IGF1: variants seen among roughly 807,000 people sequenced by gnomAD.
IGF1 encodes insulin-like growth factor 1.
IGF1 carries 4 observed loss-of-function variants against 13.8 expected under a neutral mutation model. That is an observed-to-expected ratio of 0.29 (90% CI 0.14 to 0.66). The LOEUF (loss-of-function observed/expected upper bound fraction) is 0.66, where lower values mean the gene tolerates loss of function less well. Among genes scored for constraint, IGF1 ranks in the 30% least tolerant of loss-of-function variants. The pLI, the probability that IGF1 is intolerant of heterozygous loss-of-function variation, is 0.78. For synonymous variants in IGF1, 76 were observed against 72.6 expected (o/e 1.05, Z -0.23); for missense variants, 124 against 188.5 (o/e 0.66, Z 2.00).
intron 2 of IGF1, among the ~76,000 whole-genome samples, chr12:102,446,078 G>C (rs1878298738): frequency 6.6e-6 from 1 of 152,212 alleles, no homozygotes; most frequent in Non-Finnish European, 1.5e-5. Context: ...TCCCAGGGAT[G>C]ATCGTCGTGG....
intron 2 of IGF1, among the ~76,000 whole-genome samples, chr12:102,427,830 G>A (rs1876344770): frequency 6.6e-6 from 1 of 152,172 alleles, no homozygotes; most frequent in Admixed American, 6.5e-5. Flanking sequence ...CAGGAGAGAG[G>A]GAAGGAGGGA....
At chr12:102,428,228 AATAATGTGTAT>A (rs1311129771) in intron 2 of IGF1, among the ~76,000 whole-genome samples, 5 of 138,596 alleles carry the variant, frequency 3.6e-5, no homozygotes, top group South Asian at 2.4e-4. Context: ...CTTTGTAATC[AATAATGTGTAT>A]ATATATATAT....
rs1565998448 is a variant in IGF1, at chr12:102,459,188, G to A, written c.220+16455C>T. Among the ~76,000 whole-genome samples, 4 of 152,312 alleles carry A rather than the reference G, an allele frequency of 2.6e-5. No homozygotes were observed. In the East Asian group the frequency reaches 7.7e-4, roughly 29 times the overall value. ...CAACTTACAGATTGCCAGTTTGTGA[G>A]CTCTGCTGTAGGGATACATTAAGAA... On this transcript the variant is annotated intron_variant, in intron 2 of 3. Transcript: ENST00000337514.
chr12:102,398,914 C>G lies in IGF1; in HGVS notation c.*3593G>C, dbSNP rs1873447735. ...TACATCTTTTATTCTAAGCCTTCTC[C>G]CAAGTGCATAAAATAGTAACAGAAA... On this transcript the variant is annotated 3_prime_UTR_variant, in exon 4 of 4. Coordinates refer to ENST00000337514, the MANE Select transcript of IGF1 (RefSeq NM_000618.5). The G allele has an allele frequency of 6.6e-6, 1 of 152,254 alleles. No homozygotes were observed. The highest frequency in any genetic ancestry group is 1.5e-5 in the Non-Finnish European group (1 of 67,972). The allele number at this position is 152,254 out of a possible 1,614,324, so 9.4% of individuals were successfully genotyped here.
At position 102,398,116 on chromosome 12, in the gene IGF1, C is replaced by CA. The variant is rs1461451166; in HGVS notation, c.*4390dup. ...AAAAAAAAAAAACAAAAACAAGAAA[C>CA]AAAAAATCTTCACAGATTGTTAGCC... On this transcript the variant is annotated 3_prime_UTR_variant, in exon 4 of 4. Transcript: ENST00000337514. The CA allele has an allele frequency of 7.4e-6, 1 of 135,764 alleles. No homozygotes were observed. The highest frequency in any genetic ancestry group is 1.6e-5 in the Non-Finnish European group (1 of 60,932). 8.4% of individuals were successfully genotyped at this position (135,764 alleles called of 1,614,324 possible). A position where few individuals can be genotyped will look rare whatever the true frequency, so the allele number is the denominator to read the frequency against.
chr12:102,435,321 AAATTACTCAGC>A (rs1263547927), intron 2 of IGF1, among the ~76,000 whole-genome samples: 5 of 152,200 alleles, frequency 3.3e-5, no homozygotes, highest in Admixed American at 3.3e-4. Flanking sequence ...ATATTAGTTA[AAATTACTCAGC>A]AAAGACTCAG....
chr12:102,419,381 T>G, intron 3 of IGF1, 128 bp downstream of exon 3: 1 of 869,134 alleles, frequency 1.2e-6, no homozygotes, highest in Non-Finnish European at 1.8e-6. Flanking sequence ...AATCCATCCC[T>G]TTGGTGCAAA....
intron 2 of IGF1, among the ~76,000 whole-genome samples, chr12:102,427,638 G>A (rs1243327014): frequency 1.3e-5 from 2 of 152,116 alleles, no homozygotes; most frequent in East Asian, 1.9e-4. Flanking sequence ...AAGGGGTGGC[G>A]GCTGCCAGGG....
At chr12:102,446,178 AT>A (rs1360316849) in intron 2 of IGF1, among the ~76,000 whole-genome samples, 1 of 152,048 alleles carries the variant, frequency 6.6e-6, no homozygotes, top group Non-Finnish European at 1.5e-5. Flanking sequence ...TTGGCCTTAA[AT>A]TTTCTTTTTT....
At chr12:102,476,811 AAGC>A (rs1200586126) in intron 1 of IGF1, among the ~76,000 whole-genome samples, 3 of 152,204 alleles carry the variant, frequency 2.0e-5, no homozygotes, top group African/African-American at 4.8e-5. Context: ...GCCTTGCCAA[AAGC>A]AGCAGTCCTG....
intron 2 of IGF1, among the ~76,000 whole-genome samples, chr12:102,440,699 A>G (rs61324043): frequency 9.7e-4 from 147 of 152,282 alleles, no homozygotes; most frequent in African/African-American, 3.5e-3. Flanking sequence ...TAACAGTAGA[A>G]TTTCTGGCAG....
At chr12:102,425,050 C>A (rs983367501) in intron 2 of IGF1, among the ~76,000 whole-genome samples, 1 of 152,162 alleles carries the variant, frequency 6.6e-6, no homozygotes. Context: ...CACATATACT[C>A]AAACACATAT....
intron 2 of IGF1, among the ~76,000 whole-genome samples, chr12:102,459,560 T>A (rs1182994399): frequency 6.6e-6 from 1 of 152,036 alleles, no homozygotes; most frequent in African/African-American, 2.4e-5. Flanking sequence ...AAGAGTTGGG[T>A]TGATGGTCTC....
At position 102,396,801 on chromosome 12, in the gene IGF1, T is replaced by TA. The variant is rs1873221359; in HGVS notation, c.*5705dup. On this transcript the variant is annotated 3_prime_UTR_variant, in exon 4 of 4. Coordinates refer to ENST00000337514, the MANE Select transcript of IGF1 (RefSeq NM_000618.5). ...TTTGTGTCCTCTCTTTTTTTTTTTTTACTTTAAAAAAGCTTGGATTTTTTT... is the reference window on the plus strand; with the variant it reads ...TTTGTGTCCTCTCTTTTTTTTTTTTTAACTTTAAAAAAGCTTGGATTTTTTT... The TA allele has an allele frequency of 5.0e-6, 2 of 397,252 alleles. No homozygotes were observed. 24.6% of individuals were successfully genotyped at this position (397,252 alleles called of 1,614,324 possible).
chr12:102,442,559 C>T (rs752908080), intron 2 of IGF1, among the ~76,000 whole-genome samples: 21 of 152,078 alleles, frequency 1.4e-4, no homozygotes, highest in Non-Finnish European at 2.5e-4. Context: ...CCTATGATTT[C>T]AGGCTCCTTT....
Position 102,474,374 on chromosome 12 carries a change from C to A in IGF1, c.220+1269G>T, listed in dbSNP as rs552819900. On this transcript the variant is annotated intron_variant, in intron 2 of 3. Coordinates refer to ENST00000337514, the MANE Select transcript of IGF1 (RefSeq NM_000618.5). ...TTGCCTATTCAAATAGTAGAAGGCACTTCTGATTCTTTGTCACTAGTGATT... is the reference window on the plus strand; with the variant it reads ...TTGCCTATTCAAATAGTAGAAGGCAATTCTGATTCTTTGTCACTAGTGATT... Among the ~76,000 whole-genome samples the A allele has an allele frequency of 9.8e-5, 15 of 152,332 alleles. No homozygotes were observed. The East Asian group carries it at 2.9e-3, about 29-fold the overall frequency.
chr12:102,478,512 TCCAG>T, intron 1 of IGF1: 1 of 1,611,356 alleles, frequency 6.2e-7, no homozygotes, highest in Non-Finnish European at 8.5e-7. Flanking sequence ...TTTTGTTTGT[TCCAG>T]GTCTTTTACA....
At chr12:102,406,677 A>T (rs1874179555) in intron 3 of IGF1, among the ~76,000 whole-genome samples, 1 of 152,220 alleles carries the variant, frequency 6.6e-6, no homozygotes, top group East Asian at 1.9e-4. Context: ...CATTATGGAC[A>T]GACACGCATA....
chr12:102,429,030 C>CT (rs1269126149), intron 2 of IGF1, among the ~76,000 whole-genome samples: 3 of 152,080 alleles, frequency 2.0e-5, no homozygotes, highest in South Asian at 2.1e-4. Flanking sequence ...ATGCCATCCT[C>CT]TTTTTTTGGT....
Sources: allele counts gnomAD v4.1 joint callset (sites outside exome capture counted in the v4.1 genomes callset), GRCh38; gene constraint gnomAD v4.1.1; transcripts MANE v1.5; gene names NCBI Gene and HGNC (gene_info 2026-07-23, HGNC 2026-07-21).